AAGAB: variants seen among roughly 807,000 people sequenced by gnomAD.
AAGAB encodes the protein alpha and gamma adaptin binding protein, also known as alpha- and gamma-adaptin-binding protein p34.
Under a neutral mutation model 44.1 loss-of-function variants are expected in AAGAB, and 38 were observed. That is an observed-to-expected ratio of 0.86 (90% CI 0.67 to 1.13). The LOEUF (loss-of-function observed/expected upper bound fraction) is 1.13, where lower values mean the gene tolerates loss of function less well. Ranked by LOEUF, AAGAB falls within the 50% of genes most tolerant of loss-of-function variation. The probability of loss-of-function intolerance (pLI) is 0.00; values close to 1 mark genes in which losing one functional copy is unlikely to be tolerated. For missense variants in AAGAB, 450 were observed against 373.8 expected (o/e 1.20, Z -1.68); for synonymous variants, 131 against 131.8 (o/e 0.99, Z 0.04).
At position 67,251,232 on chromosome 15, in the gene AAGAB, G is replaced by GTC. The variant is rs1422126846; in HGVS notation, c.73+3326_73+3327insGA. 5.6e-3 allele frequency among the ~76,000 whole-genome samples: 817 copies of GTC among 145,606 alleles called. 8 individuals carry two copies. The highest frequency in any genetic ancestry group is 0.019 in the African/African-American group (782 of 40,210). ...TTTAAGTGCGTGTGTGTGTGTGTGT[G>GTC]TGTCTGTGTGTGTGTGTGTGTGTGT... On this transcript the variant is annotated intron_variant, in intron 1 of 9. Transcript: ENST00000261880.
At chr15:67,214,645 C>CTT (rs542501628) in intron 5 of AAGAB, among the ~76,000 whole-genome samples, 5 of 146,882 alleles carry the variant, frequency 3.4e-5, no homozygotes, top group East Asian at 2.0e-4. Context: ...TAAGTCCTTA[C>CTT]TTTTTTTTTT....
chr15:67,237,433 C>T (rs575766955), intron 1 of AAGAB, among the ~76,000 whole-genome samples: 16 of 152,242 alleles, frequency 1.1e-4, no homozygotes, highest in South Asian at 4.1e-4. Flanking sequence ...AAGACACTTC[C>T]GATAAATTTT....
At chr15:67,224,262 A>G (rs1964148705) in intron 5 of AAGAB, among the ~76,000 whole-genome samples, 1 of 152,222 alleles carries the variant, frequency 6.6e-6, no homozygotes, top group Non-Finnish European at 1.5e-5. Flanking sequence ...TCAACACTTG[A>G]AACCGGAGCC....
intron 3 of AAGAB, 147 bp downstream of exon 3, chr15:67,236,261 G>A (rs1964461626): frequency 2.1e-6 from 2 of 934,194 alleles, no homozygotes; most frequent in Non-Finnish European, 1.6e-6. Context: ...AGTATTACAA[G>A]ATTCCAAAGA....
chr15:67,227,030 A>C (rs1337899864), intron 5 of AAGAB: 2 of 170,326 alleles, frequency 1.2e-5, no homozygotes, highest in African/African-American at 4.8e-5. Flanking sequence ...CATAATCCTT[A>C]CAAGAGCTGG....
At chr15:67,207,520 T>G (rs1009694566) in intron 7 of AAGAB, among the ~76,000 whole-genome samples, 27 of 152,254 alleles carry the variant, frequency 1.8e-4, no homozygotes, top group African/African-American at 6.3e-4. Flanking sequence ...ACTATCTATA[T>G]TTTTTATTTT....
intron 2 of AAGAB, 62 bp downstream of exon 2, chr15:67,236,568 G>A: frequency 1.2e-6 from 2 of 1,600,022 alleles, no homozygotes; most frequent in South Asian, 2.2e-5. Flanking sequence ...AAAATGTAAT[G>A]GGAAAAAAAG....
intron 4 of AAGAB, among the ~76,000 whole-genome samples, chr15:67,234,539 T>C (rs540674032): frequency 3.3e-4 from 51 of 152,290 alleles, no homozygotes; most frequent in Admixed American, 1.6e-3. Flanking sequence ...AAATATGGCT[T>C]AGGAATAATT....
intron 1 of AAGAB, among the ~76,000 whole-genome samples, chr15:67,241,394 T>C (rs1414622610): frequency 2.0e-5 from 3 of 152,186 alleles, no homozygotes; most frequent in African/African-American, 7.2e-5. Context: ...GCAAAGTTGG[T>C]TTTATTCTTT....
At chr15:67,203,374 T>C (rs1963611814) in intron 9 of AAGAB, among the ~76,000 whole-genome samples, 174 bp downstream of exon 9, 1 of 152,232 alleles carries the variant, frequency 6.6e-6, no homozygotes. Flanking sequence ...AAAATCTTGG[T>C]TTGACTGCAG....
chr15:67,212,359 G>A (rs548675224), intron 5 of AAGAB, among the ~76,000 whole-genome samples: 11 of 151,884 alleles, frequency 7.2e-5, no homozygotes, highest in South Asian at 4.2e-4. Flanking sequence ...GCTGTGTATC[G>A]CAATTAAAAC....
chr15:67,224,201 C>T (rs1964147396), intron 5 of AAGAB, among the ~76,000 whole-genome samples: 1 of 152,108 alleles, frequency 6.6e-6, no homozygotes, highest in Admixed American at 6.5e-5. Context: ...ACACACAGAC[C>T]AATACTTTGC....
chr15:67,235,516 G>A (rs1170538564), intron 4 of AAGAB, among the ~76,000 whole-genome samples: 2 of 152,116 alleles, frequency 1.3e-5, no homozygotes, highest in Non-Finnish European at 2.9e-5. Context: ...GGTGGAGGTG[G>A]GGGATTAAAT....
At chr15:67,206,445 T>A (rs1259858717) in intron 7 of AAGAB, among the ~76,000 whole-genome samples, 1 of 152,182 alleles carries the variant, frequency 6.6e-6, no homozygotes, top group South Asian at 2.1e-4. Flanking sequence ...ATATACTACT[T>A]CTCCTCAAAC....
intron 5 of AAGAB, chr15:67,221,011 A>T (rs1203897850): frequency 6.6e-6 from 1 of 152,224 alleles, no homozygotes; most frequent in African/African-American, 2.4e-5. Flanking sequence ...AATTTGGGAA[A>T]TCAGGTCCAT....
In AAGAB at chr15:67,227,481, C is replaced by T. The variant is rs150356142; in HGVS notation, c.535+4333G>A. Among the ~76,000 whole-genome samples the T allele has an allele frequency of 2.6e-5, 4 of 152,134 alleles. No individual in the cohort carries two copies. The East Asian group carries it at 7.7e-4, about 29-fold the overall frequency. ...GGTAAATCTTATGTATATTTAACCA[C>T]ATCTTATGTATATTTAACCACAATT... On this transcript the variant is annotated intron_variant, in intron 5 of 9. Transcript: ENST00000261880.
In AAGAB at chr15:67,202,409, C is replaced by G. The variant is rs1047847677; in HGVS notation, c.*412G>C. On this transcript the variant is annotated 3_prime_UTR_variant, in exon 10 of 10. Transcript: ENST00000261880. Reference sequence around the variant, plus strand: ...CTACAAGCTCCTTGAATGGAGAAAACCCAAATCACCCAGGAAAGGTGACAC... The same window carrying G: ...CTACAAGCTCCTTGAATGGAGAAAAGCCAAATCACCCAGGAAAGGTGACAC... The G allele has an allele frequency of 6.1e-6, 1 of 164,248 alleles. No individual in the cohort carries two copies. Among genetic ancestry groups the G allele is most frequent in the Non-Finnish European group, 1.3e-5 (1 of 75,492 alleles). 10.2% of individuals were successfully genotyped at this position (164,248 alleles called of 1,614,324 possible).
chr15:67,235,887 T>C (rs191719433), intron 4 of AAGAB, 92 bp downstream of exon 4: 5 of 993,090 alleles, frequency 5.0e-6, no homozygotes, highest in Admixed American at 4.8e-5. Context: ...GGGAAAAAAG[T>C]TTCTTGAATT....
intron 5 of AAGAB, among the ~76,000 whole-genome samples, chr15:67,228,740 G>A (rs1025210903): frequency 1.3e-5 from 2 of 152,130 alleles, no homozygotes; most frequent in Non-Finnish European, 2.9e-5. Flanking sequence ...CCCATCAACA[G>A]TGGACTGGAT....
Sources: allele counts gnomAD v4.1 joint callset (sites outside exome capture counted in the v4.1 genomes callset), GRCh38; gene constraint gnomAD v4.1.1; transcripts MANE v1.5; gene names NCBI Gene and HGNC (gene_info 2026-07-23, HGNC 2026-07-21).